CWF19L2: variants seen among roughly 807,000 people sequenced by gnomAD.
The protein encoded by CWF19L2 is CWF19 like cell cycle control factor 2.
In CWF19L2, 98 loss-of-function variants were observed where a neutral mutation model predicts 111.7. The observed-to-expected ratio is 0.88, with a 90% CI of 0.75 to 1.04. The LOEUF (loss-of-function observed/expected upper bound fraction) is 1.04. Ranked by LOEUF, CWF19L2 falls within the 50% of genes least tolerant of loss-of-function variation. The pLI is 0.00. For synonymous variants in CWF19L2, 351 were observed against 342.9 expected (o/e 1.02, Z -0.26); for missense variants, 1,101 against 1,051.4 (o/e 1.05, Z -0.65).
intron 12 of CWF19L2, among the ~76,000 whole-genome samples, chr11:107,385,881 G>A (rs1211565259): frequency 3.3e-5 from 5 of 152,194 alleles, no homozygotes; most frequent in Non-Finnish European, 7.3e-5. Flanking sequence ...GCATAAGAGA[G>A]TTTGTGTTCA....
At chr11:107,406,586 A>C (rs993742088) in intron 10 of CWF19L2, among the ~76,000 whole-genome samples, 3 of 152,142 alleles carry the variant, frequency 2.0e-5, no homozygotes, top group Non-Finnish European at 4.4e-5. Context: ...AACTCCATGA[A>C]GGCATCATAT....
chr11:107,394,252 A>G (rs1860890293), intron 10 of CWF19L2, among the ~76,000 whole-genome samples: 1 of 152,196 alleles, frequency 6.6e-6, no homozygotes, highest in Admixed American at 6.5e-5. Context: ...CTAAATTGAT[A>G]TAAAAGATTA....
chr11:107,378,559 T>C (rs1310701245), intron 12 of CWF19L2, among the ~76,000 whole-genome samples: 5 of 152,224 alleles, frequency 3.3e-5, no homozygotes, highest in Admixed American at 2.0e-4. Context: ...TAGGTGGGAA[T>C]TGAACAATGA....
At chr11:107,433,264 TA>T (rs1448385677) in intron 7 of CWF19L2, among the ~76,000 whole-genome samples, 1 of 152,050 alleles carries the variant, frequency 6.6e-6, no homozygotes, top group Non-Finnish European at 1.5e-5. Context: ...TACACTCTTT[TA>T]AAAAAATCCG....
intron 7 of CWF19L2, among the ~76,000 whole-genome samples, chr11:107,433,393 A>C (rs1458470512): frequency 1.3e-5 from 2 of 152,294 alleles, no homozygotes; most frequent in Admixed American, 1.3e-4. Flanking sequence ...TCTCACAATA[A>C]GAAAATTTTT....
chr11:107,403,512 C>T lies in CWF19L2; in HGVS notation c.1618-10617G>A, dbSNP rs1861036099. 11 of 831,180 alleles carry T rather than the reference C, an allele frequency of 1.3e-5. No individual in the cohort carries two copies. The Admixed American group carries it at 1.9e-4, about 14-fold the overall frequency. 51.5% of individuals were successfully genotyped at this position (831,180 alleles called of 1,614,324 possible). On this transcript the variant is annotated intron_variant, in intron 10 of 17. Coordinates refer to ENST00000282251, the MANE Select transcript of CWF19L2 (RefSeq NM_152434.3). ...CTGGTTCCTTCCTCTGCCATACTGTCAACCCCCTCCTGCCCATTCTCCTTG... is the reference window on the plus strand; with the variant it reads ...CTGGTTCCTTCCTCTGCCATACTGTTAACCCCCTCCTGCCCATTCTCCTTG...
At chr11:107,335,045 T>G (rs1591147485) in intron 15 of CWF19L2, 84 bp from the exon 16 acceptor site, 1 of 805,148 alleles carries the variant, frequency 1.2e-6, no homozygotes, top group Admixed American at 1.9e-5. Flanking sequence ...TATAGCAAAT[T>G]AATTATGGGG....
rs576159092 is a variant in CWF19L2, at chr11:107,372,805, C to T, written c.1872+17269G>A. On this transcript the variant is annotated intron_variant, in intron 12 of 17. Transcript: ENST00000282251. ...AAATAGGAACTGCTCCGGTCTACAG[C>T]TCCCAGCGTGAGCGACGCAGAAGAC... 1.4e-4 allele frequency among the ~76,000 whole-genome samples: 19 copies of T among 131,902 alleles called. 2 individuals carry two copies. In the South Asian group the frequency reaches 4.4e-3, roughly 31 times the overall value. 86.5% of individuals were successfully genotyped at this position (131,902 alleles called of 152,430 possible).
intron 12 of CWF19L2, among the ~76,000 whole-genome samples, chr11:107,362,894 G>A (rs902751367): frequency 6.6e-6 from 1 of 151,780 alleles, no homozygotes; most frequent in Non-Finnish European, 1.5e-5. Flanking sequence ...GAGGACACTC[G>A]AACCAAAGGC....
intron 15 of CWF19L2, among the ~76,000 whole-genome samples, chr11:107,335,817 T>C (rs1033397682): frequency 9.9e-5 from 15 of 152,212 alleles, no homozygotes; most frequent in African/African-American, 3.4e-4. Flanking sequence ...ATAAGTTCTA[T>C]TTAAATAGAA....
At chr11:107,444,643 C>G (rs2135424149) in intron 3 of CWF19L2, among the ~76,000 whole-genome samples, 1 of 152,316 alleles carries the variant, frequency 6.6e-6, no homozygotes, top group African/African-American at 2.4e-5. Context: ...CAAAGTTTCA[C>G]TGACTAATTG....
chr11:107,338,092 A>AT, intron 14 of CWF19L2, among the ~76,000 whole-genome samples: 1 of 152,212 alleles, frequency 6.6e-6, no homozygotes, highest in East Asian at 1.9e-4. Flanking sequence ...TGGTTATGCT[A>AT]TGTTGCCCAG....
chr11:107,445,195 T>A lies in CWF19L2; in HGVS notation c.340-2146A>T, dbSNP rs549267241. Among the ~76,000 whole-genome samples the A allele has an allele frequency of 5.9e-5, 9 of 152,372 alleles. No homozygotes were observed. The South Asian group carries it at 1.0e-3, about 18-fold the overall frequency. On this transcript the variant is annotated intron_variant, in intron 3 of 17. Coordinates refer to ENST00000282251, the MANE Select transcript of CWF19L2 (RefSeq NM_152434.3). ...GCCTAGCTGCATTCCTACATCTATA[T>A]GTCTTATGAGAATTTTGTACTTTAA...
At position 107,441,638 on chromosome 11, in the gene CWF19L2, A is replaced by G. The variant is rs1861620655; in HGVS notation, c.451-16T>C. 6.6e-7 allele frequency: 1 copy of G among 1,510,232 alleles called. No homozygotes were observed. The highest frequency in any genetic ancestry group is 2.4e-5 in the Admixed American group (1 of 40,880). The allele number at this position is 1,510,232 out of a possible 1,614,324, so 93.6% of individuals were successfully genotyped here. The stretch of plus-strand genomic sequence containing the variant: ...ACTCATCCCTCTGTTAAAAAAAAAG[A>G]CATAAAATCAACAGTCATCCACTCA... On this transcript the variant is annotated splice_polypyrimidine_tract_variant and intron_variant, in intron 4 of 17. Coordinates refer to ENST00000282251, the MANE Select transcript of CWF19L2 (RefSeq NM_152434.3).
chr11:107,388,059 T>G (rs995591752), intron 12 of CWF19L2, among the ~76,000 whole-genome samples: 2 of 152,140 alleles, frequency 1.3e-5, no homozygotes, highest in African/African-American at 4.8e-5. Flanking sequence ...GAAATAATCT[T>G]CCCTCAGATA....
intron 12 of CWF19L2, among the ~76,000 whole-genome samples, chr11:107,384,289 A>T (rs1860733837): frequency 6.6e-6 from 1 of 152,230 alleles, no homozygotes; most frequent in African/African-American, 2.4e-5. Flanking sequence ...ATTGTTTTGG[A>T]TTTTAAAATG....
intron 14 of CWF19L2, among the ~76,000 whole-genome samples, chr11:107,339,579 G>A (rs926310681): frequency 1.3e-5 from 2 of 151,194 alleles, no homozygotes; most frequent in African/African-American, 4.9e-5. Flanking sequence ...AAGGGCCAAT[G>A]ATATTAAATA....
chr11:107,452,939 T>A (rs7933722), intron 3 of CWF19L2, among the ~76,000 whole-genome samples: 1,551 of 152,290 alleles, frequency 0.01, 22 homozygotes, highest in African/African-American at 0.036. Flanking sequence ...ATGGTGCCAC[T>A]GCACTCCAGT....
chr11:107,338,155 G>T (rs1257284850), intron 14 of CWF19L2, among the ~76,000 whole-genome samples: 1 of 151,952 alleles, frequency 6.6e-6, no homozygotes, highest in Non-Finnish European at 1.5e-5. Flanking sequence ...CTACAACCTC[G>T]TCGTACTCAG....
Sources: allele counts gnomAD v4.1 joint callset (sites outside exome capture counted in the v4.1 genomes callset), GRCh38; gene constraint gnomAD v4.1.1; transcripts MANE v1.5; gene names NCBI Gene and HGNC (gene_info 2026-07-23, HGNC 2026-07-21).